Variants in NEK7 observed in about 807,000 individuals in gnomAD.
NEK7 encodes the protein serine/threonine-protein kinase Nek7.
NEK7 carries 18 observed loss-of-function variants against 44.6 expected under a neutral mutation model. That is an observed-to-expected ratio of 0.40 (90% CI 0.28 to 0.60). NEK7 has a LOEUF of 0.60. Ranked by LOEUF, NEK7 falls within the 20% of genes least tolerant of loss-of-function variation. The probability of loss-of-function intolerance (pLI) is 0.38; values close to 1 mark genes in which losing one functional copy is unlikely to be tolerated. For synonymous variants in NEK7, 130 were observed against 121.1 expected (o/e 1.07, Z -0.48); for missense variants, 256 against 366.5 (o/e 0.70, Z 2.46).
chr1:198,245,635 C>T (rs372268940), intron 2 of NEK7, among the ~76,000 whole-genome samples: 47 of 152,256 alleles, frequency 3.1e-4, no homozygotes, highest in African/African-American at 1.1e-3. Context: ...GGGGCCATAG[C>T]GAGGTGCAAA....
intron 2 of NEK7, among the ~76,000 whole-genome samples, chr1:198,242,393 TTC>T (rs1466465795): frequency 7.3e-6 from 1 of 136,066 alleles, no homozygotes. Context: ...CTCTTTTTCT[TTC>T]TTTTTCTTTT....
At chr1:198,202,977 A>G (rs561966518) in intron 1 of NEK7, among the ~76,000 whole-genome samples, 1 of 152,274 alleles carries the variant, frequency 6.6e-6, no homozygotes, top group East Asian at 1.9e-4. Flanking sequence ...CCTTTCTACC[A>G]CTTCTTTTTT....
intron 1 of NEK7, among the ~76,000 whole-genome samples, chr1:198,159,283 C>T (rs886812717): frequency 6.6e-6 from 1 of 151,772 alleles, no homozygotes; most frequent in Non-Finnish European, 1.5e-5. Flanking sequence ...AGGCTGAGGG[C>T]CAGCCTGGAG....
chr1:198,195,889 TAGA>T (rs1665217867), intron 1 of NEK7, among the ~76,000 whole-genome samples: 1 of 152,338 alleles, frequency 6.6e-6, no homozygotes, highest in South Asian at 2.1e-4. Context: ...ATTTAATAAA[TAGA>T]AGACATTTAT....
intron 1 of NEK7, among the ~76,000 whole-genome samples, chr1:198,225,053 A>G (rs1469962259): frequency 6.6e-6 from 1 of 152,070 alleles, no homozygotes; most frequent in Non-Finnish European, 1.5e-5. Context: ...AGTCAAGGTC[A>G]TGATCCTGGC....
chr1:198,293,943 A>G (rs1374770384), intron 8 of NEK7, among the ~76,000 whole-genome samples: 1 of 151,914 alleles, frequency 6.6e-6, no homozygotes, highest in Non-Finnish European at 1.5e-5. Context: ...CCTACTATAT[A>G]TATTTCCTGT....
chr1:198,281,609 G>A (rs1047538169), intron 7 of NEK7, among the ~76,000 whole-genome samples: 9 of 152,020 alleles, frequency 5.9e-5, no homozygotes, highest in Non-Finnish European at 1.2e-4. Context: ...ATTTTAAAAT[G>A]CAAAGATATA....
chr1:198,303,638 TAA>T (rs1407302151), intron 9 of NEK7, among the ~76,000 whole-genome samples: 2 of 152,128 alleles, frequency 1.3e-5, no homozygotes, highest in African/African-American at 4.8e-5. Flanking sequence ...TAGATCTATA[TAA>T]GTTTTCTGGA....
At position 198,281,130 on chromosome 1, in the gene NEK7, G is replaced by A. The variant is rs187405379; in HGVS notation, c.589+2069G>A. 2.6e-5 allele frequency among the ~76,000 whole-genome samples: 4 copies of A among 151,850 alleles called. No individual in the cohort carries two copies. In the East Asian group the frequency reaches 7.7e-4, roughly 29 times the overall value. ...TTGGACTCCATAAAAATCCTACTTA[G>A]AAGAATCAGGAAAAATTCTCTGCTA... is the stretch of plus-strand genomic sequence containing the variant. On this transcript the variant is annotated intron_variant, in intron 7 of 9. Transcript: ENST00000367385.
chr1:198,281,124 T>C (rs536787644), intron 7 of NEK7, among the ~76,000 whole-genome samples: 2 of 152,086 alleles, frequency 1.3e-5, no homozygotes, highest in East Asian at 1.9e-4. Context: ...ATAAAAATCC[T>C]ACTTAGAAGA....
At chr1:198,177,678 T>C (rs535041666) in intron 1 of NEK7, among the ~76,000 whole-genome samples, 11 of 152,168 alleles carry the variant, frequency 7.2e-5, no homozygotes, top group African/African-American at 2.4e-4. Flanking sequence ...ATAAAACTTA[T>C]AATCTGAGAA....
chr1:198,276,116 A>C (rs1250432890), intron 5 of NEK7, among the ~76,000 whole-genome samples: 1 of 151,610 alleles, frequency 6.6e-6, no homozygotes, highest in Non-Finnish European at 1.5e-5. Context: ...GAATACAAAA[A>C]CATGAAAATA....
chr1:198,277,281 T>C (rs1255368914), intron 5 of NEK7, among the ~76,000 whole-genome samples: 2 of 151,784 alleles, frequency 1.3e-5, no homozygotes, highest in Admixed American at 6.6e-5. Flanking sequence ...TAAGTACCTC[T>C]GGTTTTACAA....
chr1:198,158,442 C>A (rs930153261), intron 1 of NEK7, among the ~76,000 whole-genome samples: 4 of 152,206 alleles, frequency 2.6e-5, no homozygotes, highest in African/African-American at 9.6e-5. Flanking sequence ...TATGCACACT[C>A]CCTCCAGGCG....
At chr1:198,247,695 T>C (rs891031450) in intron 2 of NEK7, among the ~76,000 whole-genome samples, 1 of 152,104 alleles carries the variant, frequency 6.6e-6, no homozygotes, top group Non-Finnish European at 1.5e-5. Context: ...GAAAACAATG[T>C]ACAATAACAA....
intron 7 of NEK7, among the ~76,000 whole-genome samples, chr1:198,291,712 T>C (rs959341460): frequency 6.6e-6 from 1 of 152,154 alleles, no homozygotes; most frequent in African/African-American, 2.4e-5. Flanking sequence ...GGGCTATCCA[T>C]GATTAGTAAA....
chr1:198,270,401 C>CAA (rs1653798554), intron 5 of NEK7, among the ~76,000 whole-genome samples: 1 of 151,786 alleles, frequency 6.6e-6, no homozygotes, highest in Non-Finnish European at 1.5e-5. Flanking sequence ...AGAAGAAACT[C>CAA]AGAGGTTTGT....
At chr1:198,298,234 A>G (rs920372941) in intron 9 of NEK7, among the ~76,000 whole-genome samples, 1 of 152,228 alleles carries the variant, frequency 6.6e-6, no homozygotes, top group Non-Finnish European at 1.5e-5. Context: ...TTCACTTATT[A>G]GGTAATCATG....
chr1:198,252,236 G>GAGAC (rs1370995517), intron 2 of NEK7, among the ~76,000 whole-genome samples: 2 of 152,036 alleles, frequency 1.3e-5, no homozygotes, highest in Non-Finnish European at 2.9e-5. Flanking sequence ...TGTGGTCTGA[G>GAGAC]AGACAGTTTG....
Sources: allele counts gnomAD v4.1 joint callset (sites outside exome capture counted in the v4.1 genomes callset), GRCh38; gene constraint gnomAD v4.1.1; transcripts MANE v1.5; gene names NCBI Gene and HGNC (gene_info 2026-07-23, HGNC 2026-07-21).